Variants in SEMA5A observed in about 807,000 individuals in gnomAD.
SEMA5A encodes semaphorin 5A, also known as semaphorin-5A.
SEMA5A carries 55 observed loss-of-function variants against 135.5 expected under a neutral mutation model. That is an observed-to-expected ratio of 0.41 (90% CI 0.33 to 0.51). SEMA5A has a LOEUF of 0.51. Among genes scored for constraint, SEMA5A ranks in the 20% least tolerant of loss-of-function variants. SEMA5A has a pLI of 0.37. For missense variants in SEMA5A, 1,290 were observed against 1,419.9 expected (o/e 0.91, Z 1.47); for synonymous variants, 580 against 546.5 (o/e 1.06, Z -0.85).
chr5:9,179,549 C>A (rs1166890850), intron 11 of SEMA5A, among the ~76,000 whole-genome samples: 2 of 152,152 alleles, frequency 1.3e-5, no homozygotes, highest in Non-Finnish European at 2.9e-5. Flanking sequence ...GGAGACCAGG[C>A]ATCAGCTACT....
At chr5:9,374,396 A>G (rs529192015) in intron 3 of SEMA5A, among the ~76,000 whole-genome samples, 8 of 152,366 alleles carry the variant, frequency 5.3e-5, no homozygotes, top group Admixed American at 4.6e-4. Context: ...TCCTATGCAG[A>G]ATGCCTCCAG....
At chr5:9,267,040 C>T (rs1457089933) in intron 5 of SEMA5A, among the ~76,000 whole-genome samples, 2 of 152,182 alleles carry the variant, frequency 1.3e-5, no homozygotes, top group African/African-American at 2.4e-5. Flanking sequence ...ATATACCTTA[C>T]AGAGCTCTGC....
At chr5:9,099,818 C>T (rs548211625) in intron 16 of SEMA5A, among the ~76,000 whole-genome samples, 16 of 152,318 alleles carry the variant, frequency 1.1e-4, no homozygotes, top group African/African-American at 3.6e-4. Context: ...GTCCTTAGCT[C>T]TGTCTCCCTG....
chr5:9,160,147 T>A (rs926200335), intron 11 of SEMA5A, among the ~76,000 whole-genome samples: 1 of 152,122 alleles, frequency 6.6e-6, no homozygotes, highest in Non-Finnish European at 1.5e-5. Context: ...AATCTGCACA[T>A]TCTGCATATG....
chr5:9,245,794 C>T (rs1748450888), intron 5 of SEMA5A, among the ~76,000 whole-genome samples: 2 of 152,146 alleles, frequency 1.3e-5, no homozygotes, highest in African/African-American at 4.8e-5. Context: ...AGAAGCACCT[C>T]TAGAATCTGA....
intron 8 of SEMA5A, among the ~76,000 whole-genome samples, chr5:9,216,020 G>C (rs1746602651): frequency 6.6e-6 from 1 of 152,024 alleles, no homozygotes; most frequent in Non-Finnish European, 1.5e-5. Flanking sequence ...ATTAGGTCCT[G>C]TTTCTTCTAG....
intron 2 of SEMA5A, among the ~76,000 whole-genome samples, chr5:9,436,112 C>T (rs1445626823): frequency 6.6e-6 from 1 of 152,210 alleles, no homozygotes; most frequent in Admixed American, 6.5e-5. Flanking sequence ...ATTTCCTCAT[C>T]TTTAAAACAG....
intron 1 of SEMA5A, among the ~76,000 whole-genome samples, chr5:9,449,890 A>T (rs1377718989): frequency 6.6e-6 from 1 of 152,144 alleles, no homozygotes; most frequent in Non-Finnish European, 1.5e-5. Context: ...GCCTACCTTG[A>T]TCCCATCTTT....
intron 3 of SEMA5A, among the ~76,000 whole-genome samples, chr5:9,357,442 CACAA>C (rs1260936967): frequency 3.3e-5 from 5 of 152,174 alleles, no homozygotes; most frequent in Non-Finnish European, 5.9e-5. Context: ...GAATTGTTTT[CACAA>C]ACAACCGACC....
intron 13 of SEMA5A, among the ~76,000 whole-genome samples, chr5:9,126,020 T>A (rs527962670): frequency 1.3e-5 from 2 of 152,192 alleles, no homozygotes; most frequent in African/African-American, 4.8e-5. Flanking sequence ...CTTGCTAGTA[T>A]TGTTTTGACT....
chr5:9,149,116 C>T (rs375446920), intron 12 of SEMA5A, among the ~76,000 whole-genome samples: 1 of 152,170 alleles, frequency 6.6e-6, no homozygotes, highest in African/African-American at 2.4e-5. Context: ...CTGTCTGGAT[C>T]TAAAAGCGGA....
chr5:9,436,747 G>T (rs1032657285), intron 2 of SEMA5A, among the ~76,000 whole-genome samples: 1 of 152,184 alleles, frequency 6.6e-6, no homozygotes, highest in Admixed American at 6.5e-5. Context: ...GAATGAAATT[G>T]TCACTTTCTC....
At position 9,088,659 on chromosome 5, in the gene SEMA5A, T is replaced by TATATATATATATATATACACAC; in HGVS notation, c.2073+19480_2073+19481insGTGTGTATATATATATATATAT. Among the ~76,000 whole-genome samples, 865 of 112,550 alleles carry TATATATATATATATATACACAC rather than the reference T, an allele frequency of 7.7e-3. 11 individuals carry two copies. The highest frequency in any genetic ancestry group is 0.014 in the Middle Eastern group (3 of 220). 73.8% of individuals were successfully genotyped at this position (112,550 alleles called of 152,430 possible). On this transcript the variant is annotated intron_variant, in intron 16 of 22. Transcript: ENST00000382496. ...TATAATATATATATATATATATATATACACACACACACTCATGGAATTCCA... is the reference window on the plus strand; with the variant it reads ...TATAATATATATATATATATATATATATATATATATATATATACACACACACACACACACTCATGGAATTCCA...
At chr5:9,146,829 T>G (rs1227479564) in intron 12 of SEMA5A, among the ~76,000 whole-genome samples, 1 of 152,140 alleles carries the variant, frequency 6.6e-6, no homozygotes, top group Non-Finnish European at 1.5e-5. Flanking sequence ...ATCCACATTC[T>G]CTAGAGGTTA....
chr5:9,441,468 G>T (rs1041711465), intron 1 of SEMA5A, among the ~76,000 whole-genome samples: 1 of 152,116 alleles, frequency 6.6e-6, no homozygotes, highest in African/African-American at 2.4e-5. Flanking sequence ...TAAAGCATGA[G>T]TTCCTGGTAC....
chr5:9,158,165 A>G (rs1331244483), intron 11 of SEMA5A, among the ~76,000 whole-genome samples: 1 of 152,192 alleles, frequency 6.6e-6, no homozygotes, highest in Non-Finnish European at 1.5e-5. Context: ...GAATGTCATT[A>G]TTACTCCCAC....
At position 9,188,645 on chromosome 5, in the gene SEMA5A, T is replaced by C. The variant is rs981306040; in HGVS notation, c.1273+1622A>G. Among the ~76,000 whole-genome samples the C allele has an allele frequency of 2.0e-5, 3 of 152,148 alleles. No individual in the cohort carries two copies. The East Asian group carries it at 5.8e-4, about 29-fold the overall frequency. Reference sequence around the variant, plus strand: ...GGCCCTATTCTCCGTGTCATCAGCCTGGACATTTATGGTGAAAAACTAGGA... The same window carrying C: ...GGCCCTATTCTCCGTGTCATCAGCCCGGACATTTATGGTGAAAAACTAGGA... On this transcript the variant is annotated intron_variant, in intron 11 of 22. Transcript: ENST00000382496.
intron 1 of SEMA5A, among the ~76,000 whole-genome samples, chr5:9,538,442 G>T (rs1256398976): frequency 1.3e-5 from 2 of 152,160 alleles, no homozygotes; most frequent in Non-Finnish European, 2.9e-5. Context: ...CAGGCATCAT[G>T]AACTTCTCCC....
chr5:9,087,638 A>AAC (rs765664884), intron 16 of SEMA5A, among the ~76,000 whole-genome samples: 4 of 151,686 alleles, frequency 2.6e-5, no homozygotes, highest in African/African-American at 4.8e-5. Context: ...TATCACTATA[A>AAC]ACACACACAC....
Sources: gnomAD v4.1 joint callset for allele counts (sites outside exome capture counted in the v4.1 genomes callset) on GRCh38, gnomAD v4.1.1 for gene constraint, MANE v1.5 for transcripts, NCBI Gene and HGNC (gene_info 2026-07-23, HGNC 2026-07-21) for gene names.